Variants in USP36 observed in about 807,000 individuals in gnomAD.
The protein encoded by USP36 is ubiquitin carboxyl-terminal hydrolase 36.
Under a neutral mutation model 111.5 loss-of-function variants are expected in USP36, and 59 were observed. The observed-to-expected ratio is 0.53, with a 90% CI of 0.43 to 0.66. The LOEUF (loss-of-function observed/expected upper bound fraction) is 0.66. Among genes scored for constraint, USP36 ranks in the 30% least tolerant of loss-of-function variants. USP36 has a pLI of 0.00. For synonymous variants in USP36, 628 were observed against 581.0 expected (o/e 1.08, Z -1.16); for missense variants, 1,488 against 1,468.0 (o/e 1.01, Z -0.22).
rs781183155 is a variant in USP36, at chr17:78,803,921, G to A, written c.2274C>T (p.His758=). The A allele has an allele frequency of 4.4e-6, 7 of 1,606,222 alleles. No individual in the cohort carries two copies. The African/African-American group carries it at 5.4e-5, about 12-fold the overall frequency. ...TGGGGGTACTGGACAGCAATGTGGG[G>A]TGGGGGCTGAAGGGGGGTTGCAGGC... ...SSRLQPPFSP[H]PTLLSSTPKP... The change falls in exon 16 of 21, where the codon CAC becomes CAT. Residue 758 remains histidine (H), a synonymous_variant. Transcript: ENST00000449938. This position sits in a 1 kb window ranked among gnomAD's most constrained non-coding sequence, Gnocchi z 4.6.
At chr17:78,836,588 T>C (rs2068696082) in intron 2 of USP36, among the ~76,000 whole-genome samples, 2 of 152,040 alleles carry the variant, frequency 1.3e-5, no homozygotes, top group Non-Finnish European at 2.9e-5. Context: ...AAAGATAAGA[T>C]GCCACTACAA....
chr17:78,828,961 A>G lies in USP36; in HGVS notation c.522T>C (p.Ile174=), dbSNP rs757063261. 8.1e-6 allele frequency: 13 copies of G among 1,614,068 alleles called. No individual in the cohort carries two copies. The East Asian group carries it at 2.7e-4, about 33-fold the overall frequency. Residue 174 remains isoleucine, a synonymous_variant, in exon 5 of 21, where the codon ATT becomes ATC. Transcript: ENST00000449938. ...FCMLCVMQNH[I]VQAFANSGNA... ...TGCCGCTGTTGGCGAAGGCCTGGACAATGTGGTTCTGCATGACACACAGCA... is the reference window on the plus strand; with the variant it reads ...TGCCGCTGTTGGCGAAGGCCTGGACGATGTGGTTCTGCATGACACACAGCA...
At chr17:78,811,391 G>A (rs1015168435) in intron 13 of USP36, among the ~76,000 whole-genome samples, 16 of 152,164 alleles carry the variant, frequency 1.1e-4, no homozygotes, top group East Asian at 1.9e-4. Context: ...GACTATGTAC[G>A]TATGCATATA....
At chr17:78,832,283 G>C (rs962092958) in intron 4 of USP36, among the ~76,000 whole-genome samples, 1 of 152,188 alleles carries the variant, frequency 6.6e-6, no homozygotes, top group Admixed American at 6.5e-5. Context: ...ACCCTCGTCA[G>C]AACAAACACC....
In USP36 at chr17:78,807,196, C is replaced by G. The variant is rs748850563; in HGVS notation, c.1848G>C (p.Glu616Asp). The G allele has an allele frequency of 1.2e-6, 2 of 1,614,120 alleles. No individual in the cohort carries two copies. The highest frequency in any genetic ancestry group is 2.2e-5 in the South Asian group (2 of 91,076). Reference sequence around the variant, plus strand: ...TGGTGGAGTCGCTGCTGGCCGAGTGCTCTGGGCTGGAGCTGCTGGAGCCCC... The same window carrying G: ...TGGTGGAGTCGCTGCTGGCCGAGTGGTCTGGGCTGGAGCTGCTGGAGCCCC... ...DRRGSSSSSP[E>D]HSASSDSTKA... The change falls in exon 14 of 21, where the codon GAG becomes GAC. Residue 616 changes from glutamate (E) to aspartate (D), a missense_variant. Physicochemically the swap from Glu to Asp is conservative, Grantham distance 45. Coordinates refer to ENST00000449938, the MANE Select transcript of USP36 (RefSeq NM_001385174.1).
At chr17:78,837,677 C>G (rs2068811725) in intron 2 of USP36, among the ~76,000 whole-genome samples, 1 of 152,158 alleles carries the variant, frequency 6.6e-6, no homozygotes, top group African/African-American at 2.4e-5. Context: ...AAACACAGCA[C>G]AGACTATCTG....
chr17:78,825,808 A>T (rs1188437064), intron 6 of USP36, among the ~76,000 whole-genome samples: 1 of 152,174 alleles, frequency 6.6e-6, no homozygotes, highest in Admixed American at 6.5e-5. Context: ...CTCCCCCTGC[A>T]GGTGCTGGGG....
At chr17:78,824,945 G>C (rs978712970) in intron 6 of USP36, among the ~76,000 whole-genome samples, 1 of 152,170 alleles carries the variant, frequency 6.6e-6, no homozygotes, top group Admixed American at 6.5e-5. Context: ...AATGCTAAAA[G>C]CAACGATCCT....
chr17:78,814,262 T>C, intron 11 of USP36, 150 bp downstream of exon 11: 1 of 1,092,048 alleles, frequency 9.2e-7, no homozygotes, highest in Non-Finnish European at 1.3e-6. Context: ...ATCTTTTCAC[T>C]CCACGCAGAG....
chr17:78,802,459 GCTTT>G lies in USP36; in HGVS notation c.2883_2886del (p.Arg961SerfsTer8), dbSNP rs1306658012. 6.3e-6 allele frequency: 10 copies of G among 1,590,368 alleles called. No individual in the cohort carries two copies. The East Asian group carries it at 6.8e-5, about 11-fold the overall frequency. ...TCTTCTACTGCCCGCTGTGTCTCCTGCTTTCTTTTTTTCTTTTTCTTTTTCCTTG... is the reference window on the plus strand; with the variant it reads ...TCTTCTACTGCCCGCTGTGTCTCCTGCTTTTTTTCTTTTTCTTTTTCCTTG... On this transcript the variant is annotated frameshift_variant, in exon 17 of 21. Transcript: ENST00000449938. LOFTEE classifies it high-confidence loss of function.
intron 3 of USP36, among the ~76,000 whole-genome samples, chr17:78,790,062 A>G (rs1305089302): frequency 6.6e-6 from 1 of 152,138 alleles, no homozygotes; most frequent in Admixed American, 6.5e-5. Context: ...AACTGTAGCC[A>G]CATAAGACAG....
chr17:78,807,531 T>A lies in USP36; in HGVS notation c.1513A>T (p.Ile505Phe). Residue 505 changes from isoleucine (I) to phenylalanine (F), a missense_variant, in exon 14 of 21, where the codon ATT becomes TTT. Transcript: ENST00000449938. ...TLGLKSQNGC[I>F]PPKLPSGSPS... The stretch of plus-strand genomic sequence containing the variant: ...GACCCCGAGGGCAGCTTTGGAGGAA[T>A]GCAGCCGTTCTGGGACTTCAGGCCC... 6.2e-7 allele frequency: 1 copy of A among 1,613,674 alleles called. No homozygotes were observed. Among genetic ancestry groups the A allele is most frequent in the Non-Finnish European group, 8.5e-7 (1 of 1,179,762 alleles).
intron 13 of USP36, 152 bp from the exon 14 acceptor site, chr17:78,807,788 A>C (rs2145136655): frequency 1.2e-6 from 1 of 836,278 alleles, no homozygotes; most frequent in Non-Finnish European, 1.7e-6. Context: ...TGGTAAAGAC[A>C]CTGTGGCTTC....
rs1218827732 is a variant in USP36 at position 78,828,922 on chromosome 17, G to A, written c.561C>T (p.Pro187=). The change falls in exon 5 of 21, where the codon CCC becomes CCT. Residue 187 remains proline, a synonymous_variant. Transcript: ENST00000449938. The part of the protein sequence containing the change: ...AFANSGNAIK[P]VSFIRDLKKI... Reference sequence around the variant, plus strand: ...TTTTCAGGTCTCGGATGAAGGAGACGGGCTTGATGGCGTTGCCGCTGTTGG... The same window carrying A: ...TTTTCAGGTCTCGGATGAAGGAGACAGGCTTGATGGCGTTGCCGCTGTTGG... The A allele has an allele frequency of 6.2e-6, 10 of 1,614,032 alleles. No individual in the cohort carries two copies. The highest frequency in any genetic ancestry group is 4.5e-5 in the East Asian group (2 of 44,888).
chr17:78,790,730 T>C (rs1311975852), downstream of USP36, among the ~76,000 whole-genome samples: 1 of 152,204 alleles, frequency 6.6e-6, no homozygotes, highest in African/African-American at 2.4e-5. Flanking sequence ...CACTGGTTTA[T>C]GTAAAAGAAC....
At position 78,828,908 on chromosome 17, in the gene USP36, C is replaced by T. The variant is rs746611433; in HGVS notation, c.575G>A (p.Arg192Gln). ...GGATTGATGCTTACTTTTCAGGTCT[C>T]GGATGAAGGAGACGGGCTTGATGGC... Reference protein sequence around the residue: ...GNAIKPVSFIRDLKKIARHFR... With the variant: ...GNAIKPVSFIQDLKKIARHFR... Residue 192 changes from arginine to glutamine, a missense_variant, in exon 5 of 21, where the codon CGA becomes CAA. Around this residue, in one of 3 missense-constraint regions of USP36, gnomAD observed 196 missense variants for 264.4 expected, o/e 0.74. Transcript: ENST00000449938. 28 of 1,614,080 alleles carry T rather than the reference C, an allele frequency of 1.7e-5. No individual in the cohort carries two copies. The highest frequency in any genetic ancestry group is 7.7e-5 in the South Asian group (7 of 91,078).
chr17:78,807,766 T>C, intron 13 of USP36, 130 bp from the exon 14 acceptor site: 1 of 931,224 alleles, frequency 1.1e-6, no homozygotes, highest in Non-Finnish European at 1.5e-6. Context: ...ATAAATTATT[T>C]ATCTGGACTC....
At chr17:78,817,301 G>A (rs2094211356) in intron 10 of USP36, among the ~76,000 whole-genome samples, 2 of 152,166 alleles carry the variant, frequency 1.3e-5, no homozygotes, top group Admixed American at 1.3e-4. Context: ...GTGGTTACAC[G>A]ACACCTGAGT....
chr17:78,839,943 C>T (rs929417639), intron 1 of USP36, among the ~76,000 whole-genome samples: 1 of 152,242 alleles, frequency 6.6e-6, no homozygotes, highest in Non-Finnish European at 1.5e-5. Context: ...CCGCTCCCTC[C>T]TCCTTCTAAA....
Sources: allele counts gnomAD v4.1 joint callset (sites outside exome capture counted in the v4.1 genomes callset), GRCh38; gene constraint gnomAD v4.1.1; regional missense constraint gnomAD v4.1.1; non-coding constraint Gnocchi (gnomAD v3.1); transcripts MANE v1.5; gene names NCBI Gene and HGNC (gene_info 2026-07-23, HGNC 2026-07-21).